The following PCMT1 variants were observed in gnomAD, a reference collection of about 807,000 sequenced individuals.
PCMT1 encodes protein-L-isoaspartate(D-aspartate) O-methyltransferase.
Under a neutral mutation model 29.2 loss-of-function variants are expected in PCMT1, and 9 were observed. That is an observed-to-expected ratio of 0.31 (90% CI 0.19 to 0.54). PCMT1 has a LOEUF of 0.54. PCMT1 is among the 20% of genes least tolerant of loss of function. The pLI, the probability that PCMT1 is intolerant of heterozygous loss-of-function variation, is 0.95. For missense variants in PCMT1, 184 were observed against 282.2 expected (o/e 0.65, Z 2.49); for synonymous variants, 98 against 97.5 (o/e 1.00, Z -0.03).
In PCMT1 at chr6:149,802,279, A is replaced by G; in HGVS notation, c.584A>G (p.Tyr195Cys). 6.2e-7 allele frequency: 1 copy of G among 1,613,834 alleles called. No homozygotes were observed. Among genetic ancestry groups the G allele is most frequent in the East Asian group, 2.2e-5 (1 of 44,878 alleles). Residue 195 changes from tyrosine to cysteine, a missense_variant, in exon 7 of 8, where the codon TAT becomes TGT. Coordinates refer to ENST00000464889, the MANE Select transcript of PCMT1 (RefSeq NM_001360452.2). ...GGCGGAAACCAAATGTTGGAGCAGT[A>G]TGACAAGCTACAAGATGGCAGCATC... ...PAGGNQMLEQ[Y>C]DKLQDGSIKM...
intron 7 of PCMT1, among the ~76,000 whole-genome samples, chr6:149,806,222 C>T (rs111519214): frequency 2.0e-5 from 3 of 152,186 alleles, no homozygotes; most frequent in Admixed American, 6.5e-5. Flanking sequence ...CTTACAGTAA[C>T]GTAGGAGATG....
chr6:149,795,693 T>C (rs1583051811), intron 5 of PCMT1: 1 of 342,384 alleles, frequency 2.9e-6, no homozygotes, highest in East Asian at 7.2e-5. Flanking sequence ...TGTTCCTGAA[T>C]TGAGAGAAGC....
At position 149,802,389 on chromosome 6, in the gene PCMT1, C is replaced by T. The variant is rs1775864905; in HGVS notation, c.*10C>T. 1.3e-6 allele frequency: 2 copies of T among 1,595,796 alleles called. No homozygotes were observed. Among genetic ancestry groups the T allele is most frequent in the Non-Finnish European group, 8.6e-7 (1 of 1,168,910 alleles). ...GTCCAGGTGGAAGTGATTTTATCTT[C>T]TGCTCTTTCTTCTTCCACACATGCA... On this transcript the variant is annotated 3_prime_UTR_variant, in exon 7 of 8. Transcript: ENST00000464889.
chr6:149,793,464 G>T, intron 4 of PCMT1, 85 bp from the exon 5 acceptor site: 1 of 1,231,188 alleles, frequency 8.1e-7, no homozygotes, highest in Non-Finnish European at 1.1e-6. Flanking sequence ...TGTAGAATAT[G>T]ACTTTCGATA....
chr6:149,775,873 A>G (rs946315495), intron 3 of PCMT1, among the ~76,000 whole-genome samples: 1 of 152,094 alleles, frequency 6.6e-6, no homozygotes, highest in Non-Finnish European at 1.5e-5. Flanking sequence ...TTGATAGTTC[A>G]TCGTGGCCAG....
intron 1 of PCMT1, among the ~76,000 whole-genome samples, chr6:149,751,771 C>T (rs369396201): frequency 2.0e-5 from 3 of 151,970 alleles, no homozygotes; most frequent in African/African-American, 4.8e-5. Flanking sequence ...TGAGCCACCG[C>T]GCCAGGCCGG....
intron 2 of PCMT1, chr6:149,772,058 A>G: frequency 4.4e-6 from 2 of 456,782 alleles, no homozygotes; most frequent in Admixed American, 4.7e-5. Context: ...GTTTTGCTGA[A>G]CTGCTGAGCC....
At chr6:149,764,615 A>T (rs2115231932) in intron 1 of PCMT1, among the ~76,000 whole-genome samples, 1 of 152,208 alleles carries the variant, frequency 6.6e-6, no homozygotes, top group East Asian at 1.9e-4. Flanking sequence ...TGGCATGCAC[A>T]TGTAGGCCTA....
chr6:149,774,811 A>T (rs1787491333), intron 3 of PCMT1, among the ~76,000 whole-genome samples: 1 of 144,968 alleles, frequency 6.9e-6, no homozygotes, highest in African/African-American at 2.6e-5. Flanking sequence ...GGTTCACGCC[A>T]TTCTCCTGCC....
intron 1 of PCMT1, among the ~76,000 whole-genome samples, chr6:149,756,596 C>T (rs1402944744): frequency 7.4e-6 from 1 of 135,014 alleles, no homozygotes; most frequent in African/African-American, 2.8e-5. Flanking sequence ...AACCCCTGGG[C>T]TCAAGTGATC....
intron 3 of PCMT1, among the ~76,000 whole-genome samples, chr6:149,787,266 T>G (rs1583041060): frequency 2.3e-5 from 3 of 132,630 alleles, no homozygotes; most frequent in Admixed American, 1.6e-4. Flanking sequence ...AGGGAGACCG[T>G]GGAAAGAGAG....
At chr6:149,786,548 A>G (rs1788095507) in intron 3 of PCMT1, among the ~76,000 whole-genome samples, 1 of 72,030 alleles carries the variant, frequency 1.4e-5, no homozygotes, top group Non-Finnish European at 2.3e-5. Context: ...GGGGCTCCTC[A>G]CTTCTCAGAC....
intron 3 of PCMT1, among the ~76,000 whole-genome samples, chr6:149,784,579 C>G (rs949073840): frequency 6.6e-6 from 1 of 152,008 alleles, no homozygotes; most frequent in Non-Finnish European, 1.5e-5. Context: ...ATCCTCTCAC[C>G]TCAGCCTCTC....
intron 1 of PCMT1, among the ~76,000 whole-genome samples, chr6:149,764,602 T>C (rs537004099): frequency 7.6e-4 from 115 of 152,126 alleles, no homozygotes; most frequent in Admixed American, 1.1e-3. Context: ...TAGCCGAGTG[T>C]GGTGGCATGC....
chr6:149,776,947 A>G (rs1787595106), intron 3 of PCMT1, among the ~76,000 whole-genome samples: 1 of 152,136 alleles, frequency 6.6e-6, no homozygotes, highest in African/African-American at 2.4e-5. Context: ...TTATTTCAAG[A>G]TATTTATCCC....
At chr6:149,749,703 A>G (rs2115180560), upstream of PCMT1, 1 of 1,508,328 alleles carries the variant, frequency 6.6e-7, no homozygotes, top group South Asian at 1.3e-5. Flanking sequence ...GCGCGGCGTC[A>G]CAGAGCGCAT....
chr6:149,765,326 C>G (rs1240320774), intron 1 of PCMT1, among the ~76,000 whole-genome samples: 1 of 130,814 alleles, frequency 7.6e-6, no homozygotes, highest in East Asian at 2.3e-4. Context: ...TGCCACTGCA[C>G]TCCAGCCTGG....
chr6:149,790,520 T>TC (rs200494689), intron 4 of PCMT1, among the ~76,000 whole-genome samples: 2,349 of 151,344 alleles, frequency 0.016, 60 homozygotes, highest in African/African-American at 0.054. Flanking sequence ...TCTTTTCTTT[T>TC]TTTTTTTTTT....
At chr6:149,793,299 T>C (rs1788452758) in intron 4 of PCMT1, among the ~76,000 whole-genome samples, 1 of 152,204 alleles carries the variant, frequency 6.6e-6, no homozygotes, top group Admixed American at 6.5e-5. Flanking sequence ...TTCAAAGTTC[T>C]AGATTTAATC....
Sources: gnomAD v4.1 joint callset for allele counts (sites outside exome capture counted in the v4.1 genomes callset) on GRCh38, gnomAD v4.1.1 for gene constraint, MANE v1.5 for transcripts, NCBI Gene and HGNC (gene_info 2026-07-23, HGNC 2026-07-21) for gene names.